CTNNA1: variants seen among roughly 807,000 people sequenced by gnomAD.
CTNNA1 encodes the protein catenin alpha 1, also known as catenin alpha-1.
CTNNA1 carries 37 observed loss-of-function variants against 98.4 expected under a neutral mutation model. That is an observed-to-expected ratio of 0.38 (90% CI 0.29 to 0.49). The LOEUF (loss-of-function observed/expected upper bound fraction) is 0.49, where lower values mean the gene tolerates loss of function less well. Among genes scored for constraint, CTNNA1 ranks in the 20% least tolerant of loss-of-function variants. The pLI is 0.95. For missense variants in CTNNA1, 761 were observed against 1,147.2 expected (o/e 0.66, Z 4.86); for synonymous variants, 404 against 413.2 (o/e 0.98, Z 0.27).
chr5:138,811,735 G>A (rs1471667764), intron 4 of CTNNA1, among the ~76,000 whole-genome samples: 1 of 152,074 alleles, frequency 6.6e-6, no homozygotes, highest in Non-Finnish European at 1.5e-5. Flanking sequence ...GGCCAACACA[G>A]CGAAACCCCG....
chr5:138,928,950 A>AC (rs1281442422), intron 13 of CTNNA1, among the ~76,000 whole-genome samples: 1 of 151,846 alleles, frequency 6.6e-6, no homozygotes, highest in Non-Finnish European at 1.5e-5. Flanking sequence ...GAAAAAAAAA[A>AC]ACAATCATGT....
Position 138,832,077 on chromosome 5 carries a change from G to A in CTNNA1, c.1062+4359G>A, listed in dbSNP as rs535067007. The stretch of plus-strand genomic sequence containing the variant: ...AATTAAACCAAATACTCTGGAATAA[G>A]CAATTAAGTGAAAGTGATATCTTAG... On this transcript the variant is annotated intron_variant, in intron 7 of 17. Coordinates refer to ENST00000302763, the MANE Select transcript of CTNNA1 (RefSeq NM_001903.5). Among the ~76,000 whole-genome samples the A allele has an allele frequency of 1.4e-4, 22 of 152,244 alleles. No homozygotes were observed. The East Asian group carries it at 4.2e-3, about 29-fold the overall frequency.
At chr5:138,887,770 T>C in intron 9 of CTNNA1, 128 bp downstream of exon 9, 1 of 728,396 alleles carries the variant, frequency 1.4e-6, no homozygotes, top group Non-Finnish European at 2.3e-6. Context: ...GAGATGATAG[T>C]CTTTCATTAT....
rs1033331709 is a variant in CTNNA1, at chr5:138,874,813, A to G, written c.1063-11399A>G. 4.9e-6 allele frequency: 6 copies of G among 1,228,772 alleles called. No individual in the cohort carries two copies. Among genetic ancestry groups the G allele is most frequent in the African/African-American group, 4.5e-5 (3 of 66,434 alleles). The allele number at this position is 1,228,772 out of a possible 1,614,324, so 76.1% of individuals were successfully genotyped here. On this transcript the variant is annotated intron_variant, in intron 7 of 17. Coordinates refer to ENST00000302763, the MANE Select transcript of CTNNA1 (RefSeq NM_001903.5). This position sits in a 1 kb window ranked among gnomAD's most constrained non-coding sequence, Gnocchi z 4.1. ...CCTAAACCTCAAAATCCAAAATATG[A>G]TGGTGATTTCCCTCATAAAATGTGA...
intron 9 of CTNNA1, among the ~76,000 whole-genome samples, chr5:138,901,282 C>T (rs1323059422): frequency 6.6e-6 from 1 of 152,138 alleles, no homozygotes; most frequent in East Asian, 1.9e-4. Context: ...CTCAGCCTCC[C>T]AAGCAGCTGG....
At chr5:138,882,127 T>C (rs753695679) in intron 7 of CTNNA1, among the ~76,000 whole-genome samples, 22 of 152,212 alleles carry the variant, frequency 1.4e-4, no homozygotes, top group Admixed American at 3.9e-4. Flanking sequence ...GTAGTTATCC[T>C]AAGGTATGAT....
intron 3 of CTNNA1, among the ~76,000 whole-genome samples, chr5:138,788,576 AG>A (rs1479619213): frequency 2.0e-5 from 3 of 152,212 alleles, no homozygotes; most frequent in Non-Finnish European, 4.4e-5. Flanking sequence ...CATACTCATT[AG>A]CAGACATTCC....
chr5:138,834,513 C>G (rs533046160), intron 7 of CTNNA1, among the ~76,000 whole-genome samples: 1 of 152,276 alleles, frequency 6.6e-6, no homozygotes, highest in African/African-American at 2.4e-5. Context: ...CTCAAAAATA[C>G]ATATACACAC....
At chr5:138,866,044 C>G (rs766721107) in intron 7 of CTNNA1, among the ~76,000 whole-genome samples, 2 of 152,054 alleles carry the variant, frequency 1.3e-5, no homozygotes, top group Non-Finnish European at 2.9e-5. Context: ...GGTGTGGTGG[C>G]GAACGCCTGT....
intron 11 of CTNNA1, among the ~76,000 whole-genome samples, chr5:138,920,363 G>A (rs1762670819): frequency 6.6e-6 from 1 of 152,228 alleles, no homozygotes; most frequent in Non-Finnish European, 1.5e-5. Context: ...GTCATCTGCA[G>A]CAGTCACGGG....
chr5:138,883,678 A>G (rs1753432381), intron 7 of CTNNA1, among the ~76,000 whole-genome samples: 1 of 152,240 alleles, frequency 6.6e-6, no homozygotes, highest in African/African-American at 2.4e-5. Flanking sequence ...TTTGGGTTTC[A>G]GATTCTAAGT....
chr5:138,808,428 A>G (rs1758329194), intron 3 of CTNNA1, among the ~76,000 whole-genome samples: 1 of 152,214 alleles, frequency 6.6e-6, no homozygotes, highest in Non-Finnish European at 1.5e-5. Flanking sequence ...ATATGTCTGT[A>G]TCTTCCTGAA....
intron 7 of CTNNA1, among the ~76,000 whole-genome samples, chr5:138,875,991 C>T (rs764307333): frequency 3.9e-5 from 6 of 152,092 alleles, no homozygotes; most frequent in Non-Finnish European, 5.9e-5. Flanking sequence ...TTCTCTTTCT[C>T]CTATTTTATA....
intron 10 of CTNNA1, 143 bp downstream of exon 10, chr5:138,904,584 CAT>C: frequency 9.5e-7 from 1 of 1,049,794 alleles, no homozygotes; most frequent in Non-Finnish European, 1.3e-6. Flanking sequence ...ACAGAACCCA[CAT>C]AGTTTGGAAT....
chr5:138,761,026 T>TTGTCAGGGA (rs1485893200), intron 1 of CTNNA1, among the ~76,000 whole-genome samples: 5 of 152,224 alleles, frequency 3.3e-5, no homozygotes, highest in African/African-American at 1.2e-4. Flanking sequence ...GGAACGTTCC[T>TTGTCAGGGA]TGTCAGGGAT....
chr5:138,932,310 G>A, intron 16 of CTNNA1: 1 of 1,239,830 alleles, frequency 8.1e-7, no homozygotes, highest in Non-Finnish European at 1.0e-6. Flanking sequence ...AGGGAAGTCA[G>A]TGGGAGGCTC....
chr5:138,782,091 A>C (rs1167162519), intron 2 of CTNNA1, 62 bp downstream of exon 2: 2 of 1,486,034 alleles, frequency 1.3e-6, no homozygotes, highest in Non-Finnish European at 1.8e-6. Context: ...CTGGGTAACA[A>C]CCATAAGAGC....
intron 5 of CTNNA1, among the ~76,000 whole-genome samples, chr5:138,823,448 T>TA (rs1204773506): frequency 7.9e-5 from 12 of 152,180 alleles, no homozygotes; most frequent in Non-Finnish European, 1.6e-4. Context: ...ATGAAGCACA[T>TA]ACGCCTCAAC....
chr5:138,918,410 G>A (rs180755647), intron 11 of CTNNA1, among the ~76,000 whole-genome samples: 3 of 152,068 alleles, frequency 2.0e-5, no homozygotes, highest in Non-Finnish European at 4.4e-5. Flanking sequence ...CCTCTCTTCT[G>A]TCTCTCAGAA....
Sources: gnomAD v4.1 joint callset for allele counts (sites outside exome capture counted in the v4.1 genomes callset) on GRCh38, gnomAD v4.1.1 for gene constraint, Gnocchi (gnomAD v3.1) non-coding constraint, MANE v1.5 for transcripts, NCBI Gene and HGNC (gene_info 2026-07-23, HGNC 2026-07-21) for gene names.